The following FGD6 variants were observed in gnomAD, a reference collection of about 807,000 sequenced individuals.
FGD6 encodes the protein FYVE, RhoGEF and PH domain-containing protein 6.
FGD6 carries 90 observed loss-of-function variants against 149.4 expected under a neutral mutation model. The ratio of observed to expected loss-of-function variants is 0.60; its 90% confidence interval spans 0.51 to 0.72. FGD6 has a LOEUF of 0.72. Among genes scored for constraint, FGD6 ranks in the 30% least tolerant of loss-of-function variants. FGD6 has a pLI of 0.00. For missense variants in FGD6, 1,437 were observed against 1,684.8 expected (o/e 0.85, Z 2.57); for synonymous variants, 527 against 584.0 (o/e 0.90, Z 1.41).
chr12:95,143,870 G>A (rs1879930510), intron 5 of FGD6, among the ~76,000 whole-genome samples: 1 of 152,192 alleles, frequency 6.6e-6, no homozygotes, highest in Non-Finnish European at 1.5e-5. Flanking sequence ...CTGGATGCAA[G>A]AGTTCCTTGC....
At chr12:95,091,605 C>T (rs1321755035) in intron 17 of FGD6, 102 bp downstream of exon 17, 7 of 667,576 alleles carry the variant, frequency 1.0e-5, no homozygotes, top group Non-Finnish European at 1.7e-5. Flanking sequence ...TAAGTATCAA[C>T]AATCATATTG....
At chr12:95,086,884 G>C (rs531405508) in intron 18 of FGD6, among the ~76,000 whole-genome samples, 25 of 113,052 alleles carry the variant, frequency 2.2e-4, no homozygotes, top group Admixed American at 6.1e-4. Context: ...GTCTCACTCT[G>C]TCACCCAGGC....
intron 2 of FGD6, among the ~76,000 whole-genome samples, chr12:95,198,743 C>G (rs1404524264): frequency 1.3e-5 from 2 of 152,200 alleles, no homozygotes; most frequent in Admixed American, 6.5e-5. Flanking sequence ...TCCACGATTA[C>G]TATTAAGCCT....
intron 1 of FGD6, among the ~76,000 whole-genome samples, chr12:95,216,431 C>T (rs1455980939): frequency 2.6e-5 from 4 of 152,118 alleles, no homozygotes; most frequent in Non-Finnish European, 5.9e-5. Flanking sequence ...TAAAAATTAA[C>T]CTATGTACTT....
intron 14 of FGD6, among the ~76,000 whole-genome samples, chr12:95,101,745 C>A (rs61938195): frequency 1.5e-5 from 2 of 134,496 alleles, no homozygotes; most frequent in Admixed American, 8.7e-5. Context: ...TGCAGTGGTG[C>A]GATCTCGGCT....
intron 8 of FGD6, among the ~76,000 whole-genome samples, chr12:95,124,376 G>C (rs1303531512): frequency 6.6e-6 from 1 of 152,110 alleles, no homozygotes; most frequent in Non-Finnish European, 1.5e-5. Flanking sequence ...GCAAACTTAC[G>C]TTTAGGGACA....
At chr12:95,102,463 A>C (rs1361385355) in intron 14 of FGD6, among the ~76,000 whole-genome samples, 6 of 142,072 alleles carry the variant, frequency 4.2e-5, no homozygotes, top group Non-Finnish European at 9.2e-5. Flanking sequence ...AAAAAAAAAA[A>C]AAAACACAAC....
At chr12:95,151,076 A>G (rs1026945745) in intron 5 of FGD6, among the ~76,000 whole-genome samples, 2 of 151,896 alleles carry the variant, frequency 1.3e-5, no homozygotes, top group Non-Finnish European at 2.9e-5. Context: ...CTGGGTGACA[A>G]AGTGAGACAC....
chr12:95,109,663 G>C (rs1328294799), intron 9 of FGD6, among the ~76,000 whole-genome samples: 3 of 152,096 alleles, frequency 2.0e-5, no homozygotes, highest in Non-Finnish European at 4.4e-5. Flanking sequence ...AGGAGATCGA[G>C]ACCAGCCTCA....
intron 6 of FGD6, among the ~76,000 whole-genome samples, chr12:95,141,095 C>T (rs922950247): frequency 1.3e-5 from 2 of 151,984 alleles, no homozygotes; most frequent in Non-Finnish European, 1.5e-5. Context: ...TGGTGGCACA[C>T]GCCTATAATC....
chr12:95,080,373 G>T lies in FGD6; in HGVS notation c.*1147C>A, dbSNP rs377572879. ...AATCAACAATTGTATGTGCAAGGTA[G>T]TTCATATGTTAAACAGTAAGTGCAC... On this transcript the variant is annotated 3_prime_UTR_variant, in exon 21 of 21. Coordinates refer to ENST00000343958, the MANE Select transcript of FGD6 (RefSeq NM_018351.4). The T allele has an allele frequency of 6.6e-6, 1 of 152,104 alleles. No individual in the cohort carries two copies. Among genetic ancestry groups the T allele is most frequent in the East Asian group, 1.9e-4 (1 of 5,176 alleles). 9.4% of individuals were successfully genotyped at this position (152,104 alleles called of 1,614,324 possible). A position where few individuals can be genotyped will look rare whatever the true frequency, so the allele number is the denominator to read the frequency against.
At chr12:95,212,105 C>T (rs1460741879) in intron 1 of FGD6, among the ~76,000 whole-genome samples, 2 of 152,128 alleles carry the variant, frequency 1.3e-5, no homozygotes, top group Non-Finnish European at 2.9e-5. Flanking sequence ...ATTTAAGGCT[C>T]ATAATAAACC....
intron 3 of FGD6, among the ~76,000 whole-genome samples, chr12:95,162,714 T>C (rs1880683197): frequency 6.6e-6 from 1 of 152,110 alleles, no homozygotes; most frequent in South Asian, 2.1e-4. Context: ...AATAAAGCAT[T>C]TGATGACTCC....
chr12:95,138,074 G>A (rs1295761619), intron 6 of FGD6, among the ~76,000 whole-genome samples: 1 of 151,928 alleles, frequency 6.6e-6, no homozygotes, highest in Non-Finnish European at 1.5e-5. Context: ...TACAAAATTA[G>A]TCGGGCATGG....
At chr12:95,114,490 AC>A (rs1157757652) in intron 8 of FGD6, among the ~76,000 whole-genome samples, 1 of 97,252 alleles carries the variant, frequency 1.0e-5, no homozygotes, top group Non-Finnish European at 2.2e-5. Flanking sequence ...ACACACACAC[AC>A]ACGTCAGACG....
At chr12:95,100,064 C>CCA (rs1878372650) in intron 14 of FGD6, among the ~76,000 whole-genome samples, 1 of 129,890 alleles carries the variant, frequency 7.7e-6, no homozygotes, top group Admixed American at 8.0e-5. Context: ...ATCCCCCCCC[C>CCA]CCCCACCCCA....
chr12:95,125,478 T>C (rs946860289), intron 8 of FGD6, among the ~76,000 whole-genome samples: 2 of 151,914 alleles, frequency 1.3e-5, no homozygotes, highest in African/African-American at 4.8e-5. Flanking sequence ...ACAAAAAAAA[T>C]AGAAAAAATT....
intron 2 of FGD6, among the ~76,000 whole-genome samples, chr12:95,204,139 T>C (rs2056680339): frequency 6.6e-6 from 1 of 152,194 alleles, no homozygotes; most frequent in Non-Finnish European, 1.5e-5. Context: ...TGGCTCACAG[T>C]TGCACTACCA....
intron 2 of FGD6, among the ~76,000 whole-genome samples, chr12:95,196,536 A>G (rs1881741290): frequency 6.6e-6 from 1 of 151,768 alleles, no homozygotes; most frequent in Non-Finnish European, 1.5e-5. Context: ...GGTCAGAAGG[A>G]ATTTAAATAT....
Sources: allele counts gnomAD v4.1 joint callset (sites outside exome capture counted in the v4.1 genomes callset), GRCh38; gene constraint gnomAD v4.1.1; transcripts MANE v1.5; gene names NCBI Gene and HGNC (gene_info 2026-07-23, HGNC 2026-07-21).